The following NFILZ variants were observed in gnomAD, a reference collection of about 807,000 sequenced individuals.
The protein encoded by NFILZ is NFIL3 like protein.
intron 3 of NFILZ, among the ~76,000 whole-genome samples, chr19:8,672,100 T>C (rs1188595236): frequency 1.3e-5 from 2 of 152,256 alleles, no homozygotes; most frequent in African/African-American, 4.8e-5. Context: ...CAAATATCCA[T>C]GCATTTATTA....
At chr19:8,656,461 T>TTCTC (rs2043001617) in intron 3 of NFILZ, among the ~76,000 whole-genome samples, 1 of 18,328 alleles carries the variant, frequency 5.5e-5, no homozygotes, top group African/African-American at 1.2e-4. Flanking sequence ...CCACCTTCTC[T>TTCTC]CTGAAGCCCA....
chr19:8,631,836 G>A (rs997399286), intron 1 of NFILZ, among the ~76,000 whole-genome samples: 115 of 144,560 alleles, frequency 8.0e-4, no homozygotes, highest in African/African-American at 2.3e-3. Context: ...GCTTTTGTGT[G>A]TGTGTGTGTG....
intron 3 of NFILZ, among the ~76,000 whole-genome samples, chr19:8,644,255 C>T (rs1207441865): frequency 6.6e-6 from 1 of 152,092 alleles, no homozygotes; most frequent in Non-Finnish European, 1.5e-5. Context: ...CGATTGCTAC[C>T]ATGCCCAACT....
chr19:8,657,633 C>T (rs1555748644), intron 3 of NFILZ, among the ~76,000 whole-genome samples: 1 of 152,138 alleles, frequency 6.6e-6, no homozygotes, highest in Non-Finnish European at 1.5e-5. Flanking sequence ...TCCTCTCTCA[C>T]TGTAAATCTC....
rs57110522 is a variant in NFILZ, at chr19:8,662,640, CT to C, written c.-163-11896del. 2.2e-3 allele frequency among the ~76,000 whole-genome samples: 311 copies of C among 139,414 alleles called. 1 individual carries two copies. The highest frequency in any genetic ancestry group is 3.0e-3 in the Admixed American group (41 of 13,830). The allele number at this position is 139,414 out of a possible 152,430, so 91.5% of individuals were successfully genotyped here. A position where few individuals can be genotyped will look rare whatever the true frequency, so the allele number is the denominator to read the frequency against. On this transcript the variant is annotated intron_variant, in intron 3 of 5. Transcript: ENST00000691075. ...CTTAGATGAAGTTTTCCTTTTCTTCCTTTTTTTTTTTTTTTGAGATGGAGTC... is the reference window on the plus strand; with the variant it reads ...CTTAGATGAAGTTTTCCTTTTCTTCCTTTTTTTTTTTTTTGAGATGGAGTC...
rs35200818 is a variant in NFILZ, at chr19:8,642,953, C to CTTTT, written c.-164+7218_-164+7221dup. On this transcript the variant is annotated intron_variant, in intron 3 of 5. Coordinates refer to ENST00000691075, the MANE Select transcript of NFILZ (RefSeq NM_001378600.1). ...AGTTTCAACTTAAAGGATTTTGACT[C>CTTTT]TTTTTTTTTTTTTTGAGACAGGGTA... 5.7e-3 allele frequency among the ~76,000 whole-genome samples: 792 copies of CTTTT among 139,334 alleles called. 19 individuals carry two copies. Among genetic ancestry groups the CTTTT allele is most frequent in the African/African-American group, 0.02 (726 of 36,868 alleles). 91.4% of individuals were successfully genotyped at this position (139,334 alleles called of 152,430 possible).
At chr19:8,657,705 G>A (rs545000656) in intron 3 of NFILZ, among the ~76,000 whole-genome samples, 10 of 152,248 alleles carry the variant, frequency 6.6e-5, no homozygotes, top group African/African-American at 2.2e-4. Flanking sequence ...GATTTGTTGA[G>A]GAATCATTGG....
intron 3 of NFILZ, among the ~76,000 whole-genome samples, chr19:8,655,700 G>GC (rs2042989112): frequency 6.6e-6 from 1 of 152,106 alleles, no homozygotes; most frequent in Non-Finnish European, 1.5e-5. Context: ...CCCAGCTGCT[G>GC]CCCCCTGCCT....
intron 3 of NFILZ, among the ~76,000 whole-genome samples, chr19:8,642,904 C>A (rs74758741): frequency 6.6e-6 from 1 of 150,620 alleles, no homozygotes. Flanking sequence ...TGTTTGCTGG[C>A]GAGTGGTTGG....
At position 8,634,480 on chromosome 19, in the gene NFILZ, C is replaced by T. The variant is rs190609185; in HGVS notation, c.-260-1170C>T. 3.4e-4 allele frequency among the ~76,000 whole-genome samples: 52 copies of T among 152,326 alleles called. No homozygotes were observed. The East Asian group carries it at 8.9e-3, about 26-fold the overall frequency. On this transcript the variant is annotated intron_variant, in intron 2 of 5. Transcript: ENST00000691075. ...TTTATTTTTTGTAGAGATGGGATCT[C>T]TCTCAAATTCCTGGCCTCAAGTAAT...
chr19:8,657,570 C>G (rs1039191703), intron 3 of NFILZ, among the ~76,000 whole-genome samples: 5 of 152,056 alleles, frequency 3.3e-5, no homozygotes, highest in Admixed American at 6.5e-5. Flanking sequence ...CAGCTGTTGT[C>G]TGCTGGAGTC....
At chr19:8,674,749 A>G (rs1441097496) in intron 4 of NFILZ, among the ~76,000 whole-genome samples, 149 bp downstream of exon 4, 3 of 152,142 alleles carry the variant, frequency 2.0e-5, no homozygotes, top group Admixed American at 6.5e-5. Flanking sequence ...CTGGTTGTAT[A>G]TTCCTTTATC....
At chr19:8,636,525 A>G (rs2042895589) in intron 3 of NFILZ, among the ~76,000 whole-genome samples, 2 of 141,222 alleles carry the variant, frequency 1.4e-5, no homozygotes, top group South Asian at 4.7e-4. Flanking sequence ...GCTCACCGCA[A>G]CCTCTGCCTC....
At chr19:8,669,615 A>G (rs1340772306) in intron 3 of NFILZ, among the ~76,000 whole-genome samples, 1 of 152,156 alleles carries the variant, frequency 6.6e-6, no homozygotes, top group Non-Finnish European at 1.5e-5. Context: ...TGCTATGCAA[A>G]CTCAAAACTG....
intron 2 of NFILZ, among the ~76,000 whole-genome samples, chr19:8,633,021 C>CTTTTTTTT (rs140247462): frequency 1.7e-5 from 2 of 118,464 alleles, no homozygotes; most frequent in Admixed American, 9.5e-5. Context: ...CTGCACCTGC[C>CTTTTTTTT]TTTTTTTTTT....
intron 3 of NFILZ, among the ~76,000 whole-genome samples, chr19:8,637,912 C>CAAAAAAAAA (rs35778716): frequency 0.01 from 210 of 20,104 alleles, 9 homozygotes; most frequent in African/African-American, 0.018. Flanking sequence ...AAGATGGTCT[C>CAAAAAAAAA]AAAAAAAAAA....
chr19:8,656,407 CTCTGAAACCCA>C (rs2042999447), intron 3 of NFILZ, among the ~76,000 whole-genome samples: 58 of 90,460 alleles, frequency 6.4e-4, no homozygotes, highest in African/African-American at 1.6e-3. Flanking sequence ...CCCACCTTCT[CTCTGAAACCCA>C]CCTCTTTCCG....
At chr19:8,651,657 G>C (rs1287419893) in intron 3 of NFILZ, among the ~76,000 whole-genome samples, 1 of 152,176 alleles carries the variant, frequency 6.6e-6, no homozygotes, top group East Asian at 1.9e-4. Flanking sequence ...TCAGTCTCCT[G>C]AGTAGCTGGG....
At chr19:8,645,302 T>TTTC (rs2042934567) in intron 3 of NFILZ, among the ~76,000 whole-genome samples, 1 of 125,280 alleles carries the variant, frequency 8.0e-6, no homozygotes, top group Non-Finnish European at 1.6e-5. Context: ...CCTGGGTGAT[T>TTTC]TTTTTTTTTT....
Sources: allele counts gnomAD v4.1 joint callset (sites outside exome capture counted in the v4.1 genomes callset), GRCh38; gene constraint gnomAD v4.1.1; transcripts MANE v1.5; gene names NCBI Gene and HGNC (gene_info 2026-07-23, HGNC 2026-07-21).